LSP1: variants seen among roughly 807,000 people sequenced by gnomAD.
The protein encoded by LSP1 is lymphocyte specific protein 1.
Under a neutral mutation model 49.3 loss-of-function variants are expected in LSP1, and 32 were observed. The observed-to-expected ratio is 0.65, with a 90% CI of 0.49 to 0.87. The LOEUF is 0.87. Among genes scored for constraint, LSP1 ranks in the 40% least tolerant of loss-of-function variants. LSP1 has a pLI of 0.00. For missense variants in LSP1, 428 were observed against 442.6 expected (o/e 0.97, Z 0.30); for synonymous variants, 179 against 178.8 (o/e 1.00, Z -0.01).
At chr11:1,890,053 C>T (rs755844584) in intron 10 of LSP1, 22 of 706,780 alleles carry the variant, frequency 3.1e-5, no homozygotes, top group African/African-American at 8.8e-5. Flanking sequence ...ACCTGGGTGA[C>T]GTGGGTGCCC....
In LSP1 at chr11:1,867,002, G is replaced by A. The variant is rs540104866; in HGVS notation, c.54-13085G>A. Reference sequence around the variant, plus strand: ...GACCTGGGGAGGAGACACTGAAGCCGCGTGGGCCCAGGCTCAGGGCCAGTC... The same window carrying A: ...GACCTGGGGAGGAGACACTGAAGCCACGTGGGCCCAGGCTCAGGGCCAGTC... On this transcript the variant is annotated intron_variant, in intron 1 of 10. Transcript: ENST00000311604. 2.7e-5 allele frequency: 35 copies of A among 1,295,802 alleles called. No homozygotes were observed. In the East Asian group the frequency reaches 3.1e-4, roughly 11 times the overall value. 80.3% of individuals were successfully genotyped at this position (1,295,802 alleles called of 1,614,324 possible). A position where few individuals can be genotyped will look rare whatever the true frequency, so the allele number is the denominator to read the frequency against.
chr11:1,862,524 G>T (rs1020014356), intron 1 of LSP1, among the ~76,000 whole-genome samples: 1 of 152,122 alleles, frequency 6.6e-6, no homozygotes, highest in African/African-American at 2.4e-5. Context: ...AAAACAGGAG[G>T]CAAGGAGGAA....
intron 10 of LSP1, chr11:1,888,518 TG>T (rs1410045644): frequency 6.6e-6 from 1 of 152,256 alleles, no homozygotes; most frequent in African/African-American, 2.4e-5. Flanking sequence ...GAGGTCACGC[TG>T]GGCCCTCCTC....
At chr11:1,866,172 G>A (rs1184142644) in intron 1 of LSP1, among the ~76,000 whole-genome samples, 1 of 152,140 alleles carries the variant, frequency 6.6e-6, no homozygotes, top group Non-Finnish European at 1.5e-5. Flanking sequence ...AAGCCAAACT[G>A]AAACACCACC....
chr11:1,864,167 A>G (rs957774342), intron 1 of LSP1: 2 of 984,154 alleles, frequency 2.0e-6, no homozygotes, highest in African/African-American at 3.6e-5. Context: ...AGAGGGGCTG[A>G]GTGCGAGACG....
intron 1 of LSP1, among the ~76,000 whole-genome samples, chr11:1,862,573 GC>G (rs1847670191): frequency 6.6e-6 from 1 of 152,080 alleles, no homozygotes; most frequent in African/African-American, 2.4e-5. Context: ...CATGCTCACT[GC>G]CCCCCACCCC....
chr11:1,855,269 A>C (rs1847459527), intron 1 of LSP1, among the ~76,000 whole-genome samples: 1 of 152,086 alleles, frequency 6.6e-6, no homozygotes, highest in Non-Finnish European at 1.5e-5. Context: ...CCAGGCAGGG[A>C]TGTATGGCCT....
At chr11:1,876,184 C>T (rs972942051) in intron 1 of LSP1, among the ~76,000 whole-genome samples, 3 of 152,198 alleles carry the variant, frequency 2.0e-5, no homozygotes, top group South Asian at 2.1e-4. Flanking sequence ...GCCTCAGCCA[C>T]GGAGGGCCCC....
At chr11:1,857,858 G>C (rs911962637) in intron 1 of LSP1, among the ~76,000 whole-genome samples, 1 of 152,162 alleles carries the variant, frequency 6.6e-6, no homozygotes, top group Non-Finnish European at 1.5e-5. Flanking sequence ...AGGTTCAAGA[G>C]ATTCTCCCAC....
chr11:1,879,975 A>G (rs577106059), intron 1 of LSP1, 112 bp from the exon 2 acceptor site: 254 of 1,321,856 alleles, frequency 1.9e-4, no homozygotes, highest in South Asian at 4.0e-4. Context: ...CCTCGTGGAC[A>G]GGGCTGCCTG....
At chr11:1,888,952 G>A (rs566269773) in intron 10 of LSP1, 51 of 505,986 alleles carry the variant, frequency 1.0e-4, no homozygotes, top group East Asian at 7.5e-4. Context: ...TCTCTGCCCC[G>A]TCCACCTGAC....
chr11:1,868,874 T>C (rs1589812798), intron 1 of LSP1: 4 of 985,900 alleles, frequency 4.1e-6, no homozygotes, highest in Non-Finnish European at 4.8e-6. Context: ...CAGGGTGCCC[T>C]GGGCACTCGA....
At chr11:1,862,556 T>C (rs942352088) in intron 1 of LSP1, among the ~76,000 whole-genome samples, 8 of 152,180 alleles carry the variant, frequency 5.3e-5, no homozygotes, top group Non-Finnish European at 8.8e-5. Flanking sequence ...GAGGTGCAAA[T>C]GAAGCACATG....
At chr11:1,861,795 A>G (rs1156904279) in intron 1 of LSP1, among the ~76,000 whole-genome samples, 2 of 150,724 alleles carry the variant, frequency 1.3e-5, no homozygotes, top group Non-Finnish European at 3.0e-5. Context: ...GGATGGATAG[A>G]TGGATGGATG....
At chr11:1,863,765 G>T (rs752429326) in intron 1 of LSP1, among the ~76,000 whole-genome samples, 22 of 152,228 alleles carry the variant, frequency 1.4e-4, no homozygotes, top group Non-Finnish European at 2.6e-4. Context: ...ACGCGGGCAA[G>T]GGGGGCCTGG....
rs181108759 is a variant in LSP1, at chr11:1,861,529, T to C, written c.53+8332T>C. ...GTGGATGGATGGATGGGTGGATGGA[T>C]AGATGCATGGATGAATGGATGGATA... On this transcript the variant is annotated intron_variant, in intron 1 of 10. Transcript: ENST00000311604. Among the ~76,000 whole-genome samples, 372 of 152,142 alleles carry C rather than the reference T, an allele frequency of 2.4e-3. 1 individual carries two copies. Among genetic ancestry groups the C allele is most frequent in the Non-Finnish European group, 4.5e-3 (303 of 67,964 alleles).
chr11:1,886,531 C>T (rs1402312811), intron 7 of LSP1, among the ~76,000 whole-genome samples: 1 of 152,258 alleles, frequency 6.6e-6, no homozygotes, highest in African/African-American at 2.4e-5. Flanking sequence ...CCCTGATGCT[C>T]TTCAGGACAG....
rs1265743121 is a variant in LSP1, at chr11:1,887,480, C to T, written c.937C>T (p.Pro313Ser). The stretch of plus-strand genomic sequence containing the variant: ...TGGTCTCCTTTCCCAACAGAGCACC[C>T]CATCTGGGAAGAGGTATAAGTTTGT... The part of the protein sequence containing the change: ...SKTSSTIKST[P>S]SGKRYKFVAT... Residue 313 changes from proline to serine, a missense_variant, in exon 10 of 11, where the codon CCA becomes TCA. Transcript: ENST00000311604. 5 of 1,613,692 alleles carry T rather than the reference C, an allele frequency of 3.1e-6. No homozygotes were observed. The highest frequency in any genetic ancestry group is 1.3e-5 in the African/African-American group (1 of 74,894).
intron 4 of LSP1, 64 bp downstream of exon 4, chr11:1,883,624 G>C: frequency 6.5e-7 from 1 of 1,536,696 alleles, no homozygotes; most frequent in South Asian, 1.2e-5. Flanking sequence ...TGCCTTGGCT[G>C]TCTGCACCAC....
Sources: allele counts gnomAD v4.1 joint callset (sites outside exome capture counted in the v4.1 genomes callset), GRCh38; gene constraint gnomAD v4.1.1; transcripts MANE v1.5; gene names NCBI Gene and HGNC (gene_info 2026-07-23, HGNC 2026-07-21).